CNTNAP2: variants seen among roughly 807,000 people sequenced by gnomAD.
CNTNAP2 encodes contactin-associated protein-like 2.
In CNTNAP2, 98 loss-of-function variants were observed where a neutral mutation model predicts 155.2. The ratio of observed to expected loss-of-function variants is 0.63; its 90% confidence interval spans 0.54 to 0.75. The LOEUF is 0.75. Ranked by LOEUF, CNTNAP2 falls within the 30% of genes least tolerant of loss-of-function variation. The pLI, the probability that CNTNAP2 is intolerant of heterozygous loss-of-function variation, is 0.00. For synonymous variants in CNTNAP2, 651 were observed against 631.2 expected (o/e 1.03, Z -0.47); for missense variants, 1,727 against 1,688.1 (o/e 1.02, Z -0.40).
At chr7:146,833,189 T>C (rs1174669022) in intron 2 of CNTNAP2, among the ~76,000 whole-genome samples, 1 of 152,218 alleles carries the variant, frequency 6.6e-6, no homozygotes, top group African/African-American at 2.4e-5. Flanking sequence ...TTACCTATTT[T>C]ATATTTTTGA....
intron 14 of CNTNAP2, among the ~76,000 whole-genome samples, chr7:147,946,491 G>A (rs1459556081): frequency 6.6e-6 from 1 of 151,990 alleles, no homozygotes; most frequent in African/African-American, 2.4e-5. Flanking sequence ...ACTAACATAA[G>A]CATGACAGAA....
rs376144087 is a variant in CNTNAP2, at chr7:148,365,842, GCA to G, written c.3476-17806_3476-17805del. On this transcript the variant is annotated intron_variant, in intron 21 of 23. Coordinates refer to ENST00000361727, the MANE Select transcript of CNTNAP2 (RefSeq NM_014141.6). ...CATGCATGTGTATGCATGTATACAT[GCA>G]TGTGTATGCATGTATACATGTATGT... 1.2e-3 allele frequency among the ~76,000 whole-genome samples: 87 copies of G among 71,618 alleles called. 6 individuals carry two copies. The highest frequency in any genetic ancestry group is 2.1e-3 in the Non-Finnish European group (70 of 33,122). The allele number at this position is 71,618 out of a possible 152,430, so 47.0% of individuals were successfully genotyped here.
At chr7:146,739,194 T>C (rs1277329315) in intron 1 of CNTNAP2, among the ~76,000 whole-genome samples, 1 of 151,990 alleles carries the variant, frequency 6.6e-6, no homozygotes, top group Non-Finnish European at 1.5e-5. Flanking sequence ...TAGTTTGTTT[T>C]TGTTTTTCAA....
At chr7:148,331,716 C>CA (rs1563045936) in intron 21 of CNTNAP2, among the ~76,000 whole-genome samples, 6 of 32,384 alleles carry the variant, frequency 1.9e-4, no homozygotes, top group African/African-American at 3.3e-4. Flanking sequence ...ATGGAGTGGA[C>CA]GGATGGATTG....
intron 1 of CNTNAP2, among the ~76,000 whole-genome samples, chr7:146,130,171 A>C (rs1797693891): frequency 6.6e-6 from 1 of 152,242 alleles, no homozygotes; most frequent in Non-Finnish European, 1.5e-5. Flanking sequence ...TTAGAAATAT[A>C]GGCAGTCGGG....
chr7:147,889,025 G>T (rs2116728120), intron 13 of CNTNAP2, among the ~76,000 whole-genome samples: 1 of 152,202 alleles, frequency 6.6e-6, no homozygotes, highest in African/African-American at 2.4e-5. Context: ...GTAAGGAACA[G>T]AAACAAGCTA....
intron 12 of CNTNAP2, among the ~76,000 whole-genome samples, chr7:147,585,125 G>T (rs143179401): frequency 1.3e-5 from 2 of 152,084 alleles, no homozygotes; most frequent in African/African-American, 4.8e-5. Flanking sequence ...TTGAATTCCC[G>T]TGGCTTGACC....
intron 13 of CNTNAP2, among the ~76,000 whole-genome samples, chr7:147,801,803 A>C (rs1366637061): frequency 6.6e-6 from 1 of 151,894 alleles, no homozygotes; most frequent in South Asian, 2.1e-4. Flanking sequence ...CAAAACCGCC[A>C]TTGTCATCAT....
intron 8 of CNTNAP2, among the ~76,000 whole-genome samples, chr7:147,221,203 T>G (rs1387341067): frequency 2.6e-5 from 4 of 152,182 alleles, no homozygotes; most frequent in Non-Finnish European, 5.9e-5. Flanking sequence ...TTTACTTATA[T>G]GTAAGTATAC....
At chr7:147,266,313 A>G (rs1213039026) in intron 8 of CNTNAP2, among the ~76,000 whole-genome samples, 1 of 152,242 alleles carries the variant, frequency 6.6e-6, no homozygotes, top group Non-Finnish European at 1.5e-5. Flanking sequence ...GCTGAAAAAC[A>G]TAGCACAAAG....
intron 1 of CNTNAP2, among the ~76,000 whole-genome samples, chr7:146,719,637 T>C (rs1445468867): frequency 1.3e-5 from 2 of 152,142 alleles, no homozygotes; most frequent in East Asian, 1.9e-4. Context: ...TTACATATTC[T>C]TTCTAATTGA....
intron 22 of CNTNAP2, among the ~76,000 whole-genome samples, chr7:148,401,631 C>T (rs1297472304): frequency 6.6e-6 from 1 of 150,416 alleles, no homozygotes; most frequent in Non-Finnish European, 1.5e-5. Flanking sequence ...TGGAGTCTTG[C>T]TCTTTTGCCC....
intron 1 of CNTNAP2, among the ~76,000 whole-genome samples, chr7:146,263,732 GA>G (rs1432438062): frequency 1.3e-5 from 2 of 152,124 alleles, no homozygotes; most frequent in African/African-American, 4.8e-5. Context: ...AATCACCTGT[GA>G]AATAATATTT....
intron 15 of CNTNAP2, among the ~76,000 whole-genome samples, chr7:148,049,556 G>A (rs1340544115): frequency 3.3e-5 from 5 of 152,086 alleles, no homozygotes; most frequent in Non-Finnish European, 7.3e-5. Context: ...ACACAATGTC[G>A]TTTAGTCGAC....
intron 3 of CNTNAP2, among the ~76,000 whole-genome samples, chr7:146,947,228 G>T (rs1046938846): frequency 6.6e-6 from 1 of 151,160 alleles, no homozygotes; most frequent in African/African-American, 2.4e-5. Flanking sequence ...AAAAAGTTTG[G>T]TCATTCTGCT....
intron 2 of CNTNAP2, among the ~76,000 whole-genome samples, chr7:146,783,481 T>C (rs567262490): frequency 2.0e-5 from 3 of 152,196 alleles, no homozygotes; most frequent in Non-Finnish European, 2.9e-5. Flanking sequence ...TTTTATAAAA[T>C]TAAATGTGTA....
At chr7:147,850,454 G>T (rs1444612087) in intron 13 of CNTNAP2, among the ~76,000 whole-genome samples, 1 of 152,178 alleles carries the variant, frequency 6.6e-6, no homozygotes, top group African/African-American at 2.4e-5. Flanking sequence ...AGCCCGCATT[G>T]CCAAGACAAT....
intron 1 of CNTNAP2, among the ~76,000 whole-genome samples, chr7:146,228,891 T>C (rs767967195): frequency 2.0e-5 from 3 of 152,192 alleles, no homozygotes; most frequent in Non-Finnish European, 4.4e-5. Context: ...AAGTTTATTA[T>C]AGGTTGTAAA....
chr7:148,226,819 A>G (rs545139726), intron 19 of CNTNAP2, among the ~76,000 whole-genome samples: 6 of 152,338 alleles, frequency 3.9e-5, no homozygotes, highest in African/African-American at 1.4e-4. Context: ...AGGGCCAAAC[A>G]GGGCACTTGG....
Sources: allele counts gnomAD v4.1 joint callset (sites outside exome capture counted in the v4.1 genomes callset), GRCh38; gene constraint gnomAD v4.1.1; transcripts MANE v1.5; gene names NCBI Gene and HGNC (gene_info 2026-07-23, HGNC 2026-07-21).